SLC9A9: variants seen among roughly 807,000 people sequenced by gnomAD.
SLC9A9 encodes solute carrier family 9 member A9.
In SLC9A9, 62 loss-of-function variants were observed where a neutral mutation model predicts 77.8. The observed-to-expected ratio is 0.80, with a 90% CI of 0.65 to 0.98. The LOEUF (loss-of-function observed/expected upper bound fraction) is 0.98, where lower values mean the gene tolerates loss of function less well. Among genes scored for constraint, SLC9A9 ranks in the 50% least tolerant of loss-of-function variants. The pLI, the probability that SLC9A9 is intolerant of heterozygous loss-of-function variation, is 0.00. For missense variants in SLC9A9, 775 were observed against 774.9 expected, an observed-to-expected ratio of 1.00 and a Z score of 0.00; for synonymous variants, 320 against 283.5, an observed-to-expected ratio of 1.13 and a Z score of -1.29.
At chr3:143,768,324 G>A (rs1287460011) in intron 4 of SLC9A9, among the ~76,000 whole-genome samples, 3 of 152,302 alleles carry the variant, frequency 2.0e-5, no homozygotes, top group African/African-American at 7.2e-5. Flanking sequence ...TATTCTAAGA[G>A]TGTCATGTAT....
intron 6 of SLC9A9, among the ~76,000 whole-genome samples, chr3:143,639,573 C>T (rs2038586314): frequency 6.6e-6 from 1 of 152,208 alleles, no homozygotes; most frequent in Non-Finnish European, 1.5e-5. Context: ...TAGTCTTCTT[C>T]CCAGCTTTGT....
At position 143,841,142 on chromosome 3, in the gene SLC9A9, C is replaced by T. The variant is rs866268085; in HGVS notation, c.175+7006G>A. ...TGATTATCAGCAAGTTACCTTCTCTCTCTCAGTGTTGGTTTCCTTATCTGT... is the reference window on the plus strand; with the variant it reads ...TGATTATCAGCAAGTTACCTTCTCTTTCTCAGTGTTGGTTTCCTTATCTGT... On this transcript the variant is annotated intron_variant, in intron 1 of 15. Coordinates refer to ENST00000316549, the MANE Select transcript of SLC9A9 (RefSeq NM_173653.4). Among the ~76,000 whole-genome samples the T allele has an allele frequency of 3.9e-5, 6 of 152,254 alleles. No individual in the cohort carries two copies. In the Middle Eastern group the frequency reaches 0.02, roughly 518 times the overall value.
At chr3:143,268,828 TC>T in intron 15 of SLC9A9, 46 bp downstream of exon 15, 1 of 1,465,398 alleles carries the variant, frequency 6.8e-7, no homozygotes, top group Non-Finnish European at 9.5e-7. Context: ...ACCAAGTCTG[TC>T]CCACAAGGGA....
At chr3:143,821,067 C>T (rs991581274) in intron 2 of SLC9A9, among the ~76,000 whole-genome samples, 1 of 152,240 alleles carries the variant, frequency 6.6e-6, no homozygotes, top group Admixed American at 6.5e-5. Context: ...AGCAGGCACC[C>T]TTGAGGGGAC....
At chr3:143,420,143 T>C (rs566557288) in intron 12 of SLC9A9, among the ~76,000 whole-genome samples, 1 of 152,108 alleles carries the variant, frequency 6.6e-6, no homozygotes, top group East Asian at 1.9e-4. Context: ...GATTCTGGAG[T>C]CTCTTGCACA....
chr3:143,790,039 G>A (rs1395902766), intron 4 of SLC9A9, among the ~76,000 whole-genome samples: 2 of 152,108 alleles, frequency 1.3e-5, no homozygotes, highest in African/African-American at 4.8e-5. Flanking sequence ...GGGACCTTGT[G>A]GGAGGTGATT....
chr3:143,769,352 T>A (rs2007437106), intron 4 of SLC9A9, among the ~76,000 whole-genome samples: 1 of 152,168 alleles, frequency 6.6e-6, no homozygotes, highest in African/African-American at 2.4e-5. Flanking sequence ...CTTCTCTTTA[T>A]TCCCCTTGAT....
chr3:143,512,753 G>A (rs939293604), intron 9 of SLC9A9, among the ~76,000 whole-genome samples: 3 of 152,140 alleles, frequency 2.0e-5, no homozygotes, highest in Non-Finnish European at 4.4e-5. Flanking sequence ...GTGGGTGCCT[G>A]TAAGTCCAGC....
chr3:143,645,146 T>A (rs576535255), intron 6 of SLC9A9, among the ~76,000 whole-genome samples: 1 of 152,214 alleles, frequency 6.6e-6, no homozygotes, highest in Non-Finnish European at 1.5e-5. Context: ...CGTCTCCCCA[T>A]CTGCTTCTGA....
intron 4 of SLC9A9, among the ~76,000 whole-genome samples, chr3:143,757,724 C>T (rs1458586058): frequency 1.3e-5 from 2 of 152,090 alleles, no homozygotes; most frequent in Non-Finnish European, 2.9e-5. Flanking sequence ...CATTCTATCT[C>T]TTGACATCTT....
At chr3:143,527,993 C>T (rs2036433248) in intron 9 of SLC9A9, among the ~76,000 whole-genome samples, 1 of 152,204 alleles carries the variant, frequency 6.6e-6, no homozygotes, top group Non-Finnish European at 1.5e-5. Context: ...GAAAGTAGAT[C>T]TTTGGAGAGT....
chr3:143,408,126 C>T (rs191248513), intron 12 of SLC9A9, among the ~76,000 whole-genome samples: 28 of 152,242 alleles, frequency 1.8e-4, no homozygotes, highest in Admixed American at 1.3e-3. Context: ...GATCGGGGCC[C>T]AATGTTTATG....
chr3:143,758,044 T>C (rs2006982958), intron 4 of SLC9A9, among the ~76,000 whole-genome samples: 1 of 152,134 alleles, frequency 6.6e-6, no homozygotes, highest in South Asian at 2.1e-4. Context: ...GCTTGGAACT[T>C]TCCCAGAAAG....
At chr3:143,461,245 T>C (rs966839417) in intron 12 of SLC9A9, among the ~76,000 whole-genome samples, 3 of 152,218 alleles carry the variant, frequency 2.0e-5, no homozygotes, top group Non-Finnish European at 4.4e-5. Flanking sequence ...AGCATTTTTC[T>C]TTAAGGCGTT....
intron 4 of SLC9A9, among the ~76,000 whole-genome samples, chr3:143,736,727 A>C (rs1446465199): frequency 1.3e-5 from 2 of 152,220 alleles, no homozygotes; most frequent in African/African-American, 4.8e-5. Context: ...AATATCTCAC[A>C]GTTCTGTGCT....
At chr3:143,594,293 T>A (rs2037713947) in intron 6 of SLC9A9, among the ~76,000 whole-genome samples, 1 of 152,224 alleles carries the variant, frequency 6.6e-6, no homozygotes, top group Non-Finnish European at 1.5e-5. Context: ...TTCAGCAAAA[T>A]GTTCGATGTT....
intron 12 of SLC9A9, among the ~76,000 whole-genome samples, chr3:143,449,939 T>G (rs1173837320): frequency 1.1e-5 from 1 of 89,300 alleles, no homozygotes; most frequent in Non-Finnish European, 1.9e-5. Context: ...TACATGTATA[T>G]ATATTATAAT....
chr3:143,670,703 A>C (rs187121957), intron 5 of SLC9A9, among the ~76,000 whole-genome samples: 3 of 152,254 alleles, frequency 2.0e-5, no homozygotes, highest in Admixed American at 2.0e-4. Flanking sequence ...CTGTGTTTAC[A>C]AAGCTGCCTG....
chr3:143,630,236 T>G (rs535914760), intron 6 of SLC9A9, among the ~76,000 whole-genome samples: 2 of 152,302 alleles, frequency 1.3e-5, no homozygotes, highest in Admixed American at 1.3e-4. Flanking sequence ...TCACATTTAT[T>G]TAAATAACTC....
Sources: allele counts gnomAD v4.1 joint callset (sites outside exome capture counted in the v4.1 genomes callset), GRCh38; gene constraint gnomAD v4.1.1; transcripts MANE v1.5; gene names NCBI Gene and HGNC (gene_info 2026-07-23, HGNC 2026-07-21).